ANKS1B: variants seen among roughly 807,000 people sequenced by gnomAD.
ANKS1B encodes the protein ankyrin repeat and sterile alpha motif domain-containing protein 1B.
In ANKS1B, 36 loss-of-function variants were observed where a neutral mutation model predicts 148.3. That is an observed-to-expected ratio of 0.24 (90% confidence interval 0.19 to 0.32). The LOEUF (loss-of-function observed/expected upper bound fraction) is 0.32, where lower values mean the gene tolerates loss of function less well. Ranked by LOEUF, ANKS1B falls within the 10% of genes least tolerant of loss-of-function variation. ANKS1B has a pLI of 1.00. For missense variants in ANKS1B, 1,157 were observed against 1,542.6 expected (o/e 0.75, Z 4.19); for synonymous variants, 542 against 560.8 (o/e 0.97, Z 0.47).
chr12:99,082,721 T>G (rs1156296390), intron 16 of ANKS1B, among the ~76,000 whole-genome samples: 1 of 152,038 alleles, frequency 6.6e-6, no homozygotes, highest in South Asian at 2.1e-4. Context: ...GAGGACTAGG[T>G]TGATAATTAC....
At chr12:99,583,611 A>T (rs1246146485) in intron 9 of ANKS1B, among the ~76,000 whole-genome samples, 5 of 152,212 alleles carry the variant, frequency 3.3e-5, no homozygotes, top group Non-Finnish European at 7.3e-5. Flanking sequence ...AAAAATATGA[A>T]AATCATATAT....
chr12:98,968,803 C>G (rs61932197), intron 17 of ANKS1B, among the ~76,000 whole-genome samples: 27,487 of 151,908 alleles, frequency 0.18, 2,648 homozygotes, highest in African/African-American at 0.23. Context: ...GGAGGGTAAC[C>G]GCTTTCCAGA....
chr12:99,306,054 G>A (rs1278413698), intron 12 of ANKS1B, among the ~76,000 whole-genome samples: 1 of 152,058 alleles, frequency 6.6e-6, no homozygotes, highest in Non-Finnish European at 1.5e-5. Flanking sequence ...AACTCCAGGG[G>A]TTTTCTGGAC....
intron 14 of ANKS1B, among the ~76,000 whole-genome samples, chr12:99,222,590 A>G (rs958674840): frequency 6.6e-5 from 10 of 152,220 alleles, no homozygotes; most frequent in African/African-American, 2.4e-4. Flanking sequence ...CACTCCAGCC[A>G]GCATGACAGA....
chr12:99,898,250 C>T (rs1662655848), intron 1 of ANKS1B, among the ~76,000 whole-genome samples: 1 of 152,116 alleles, frequency 6.6e-6, no homozygotes. Flanking sequence ...GATCTCACCA[C>T]AAAGCCCTCA....
chr12:99,264,538 G>A (rs111600611), intron 12 of ANKS1B, among the ~76,000 whole-genome samples: 4 of 152,204 alleles, frequency 2.6e-5, no homozygotes, highest in African/African-American at 7.2e-5. Context: ...TTCATGCAGC[G>A]TTAGTCTACT....
At chr12:99,063,215 C>T (rs1048838984) in intron 16 of ANKS1B, among the ~76,000 whole-genome samples, 3 of 152,230 alleles carry the variant, frequency 2.0e-5, no homozygotes, top group Non-Finnish European at 4.4e-5. Flanking sequence ...CTCAGATTTC[C>T]TGCCTGATAT....
At chr12:99,744,744 C>A (rs1029527318) in intron 8 of ANKS1B, among the ~76,000 whole-genome samples, 4 of 152,134 alleles carry the variant, frequency 2.6e-5, no homozygotes, top group African/African-American at 9.7e-5. Flanking sequence ...GTAATCCCAG[C>A]ACTTTGGGAG....
chr12:99,323,332 T>A (rs2085675741), intron 12 of ANKS1B, among the ~76,000 whole-genome samples: 1 of 152,228 alleles, frequency 6.6e-6, no homozygotes, highest in African/African-American at 2.4e-5. Context: ...GTAATTAATT[T>A]CTGCATGGCA....
At chr12:99,805,161 G>A (rs908467712) in intron 4 of ANKS1B, among the ~76,000 whole-genome samples, 1 of 150,014 alleles carries the variant, frequency 6.7e-6, no homozygotes, top group African/African-American at 2.5e-5. Flanking sequence ...TACTAATAAG[G>A]GGAGAAGGTC....
intron 16 of ANKS1B, among the ~76,000 whole-genome samples, chr12:99,069,417 A>G (rs1273482322): frequency 6.6e-6 from 1 of 152,186 alleles, no homozygotes; most frequent in Non-Finnish European, 1.5e-5. Flanking sequence ...CTTTCTTATG[A>G]TACATTTACC....
At chr12:98,906,669 A>G (rs2099779522) in intron 17 of ANKS1B, among the ~76,000 whole-genome samples, 1 of 152,228 alleles carries the variant, frequency 6.6e-6, no homozygotes, top group African/African-American at 2.4e-5. Context: ...ATTGAAAAAC[A>G]AAAGAATCAA....
intron 10 of ANKS1B, among the ~76,000 whole-genome samples, chr12:99,463,039 G>C (rs1955363559): frequency 6.6e-6 from 1 of 152,040 alleles, no homozygotes. Flanking sequence ...CTCAGTCTCA[G>C]GTATTCCTTT....
intron 1 of ANKS1B, among the ~76,000 whole-genome samples, chr12:99,848,695 A>G (rs2087146489): frequency 6.6e-6 from 1 of 152,224 alleles, no homozygotes; most frequent in Non-Finnish European, 1.5e-5. Context: ...ATATATAAAA[A>G]TAAATTCTAG....
intron 9 of ANKS1B, among the ~76,000 whole-genome samples, chr12:99,548,314 G>T (rs1809144588): frequency 6.6e-6 from 1 of 151,980 alleles, no homozygotes; most frequent in Non-Finnish European, 1.5e-5. Context: ...CCTGATTCTG[G>T]GTGGCTCTCT....
At chr12:99,655,483 T>A (rs941888186) in intron 8 of ANKS1B, among the ~76,000 whole-genome samples, 2 of 152,122 alleles carry the variant, frequency 1.3e-5, no homozygotes, top group African/African-American at 4.8e-5. Context: ...TAATAAAATA[T>A]TTGAATAGCA....
chr12:99,885,520 G>A (rs912882670), intron 1 of ANKS1B, among the ~76,000 whole-genome samples: 1 of 152,004 alleles, frequency 6.6e-6, no homozygotes, highest in African/African-American at 2.4e-5. Flanking sequence ...AGCCAGGATG[G>A]TCTCAATCTC....
chr12:98,993,864 C>T (rs150916843), intron 17 of ANKS1B, among the ~76,000 whole-genome samples: 110 of 152,232 alleles, frequency 7.2e-4, no homozygotes, highest in African/African-American at 3.6e-4. Flanking sequence ...TAACTGTATA[C>T]AAAATGATAT....
At chr12:99,829,104 A>G (rs1029790314) in intron 1 of ANKS1B, among the ~76,000 whole-genome samples, 1 of 152,242 alleles carries the variant, frequency 6.6e-6, no homozygotes, top group Non-Finnish European at 1.5e-5. Flanking sequence ...TAGCAGTTCC[A>G]ATATTGAAAA....
Sources: allele counts gnomAD v4.1 joint callset (sites outside exome capture counted in the v4.1 genomes callset), GRCh38; gene constraint gnomAD v4.1.1; transcripts MANE v1.5; gene names NCBI Gene and HGNC (gene_info 2026-07-23, HGNC 2026-07-21).